POLD3: variants seen among roughly 807,000 people sequenced by gnomAD.
POLD3 encodes DNA polymerase delta subunit 3.
A neutral mutation model predicts 58.2 loss-of-function variants in POLD3; 19 were observed. That is an observed-to-expected ratio of 0.33 (90% CI 0.23 to 0.48). The LOEUF (loss-of-function observed/expected upper bound fraction) is 0.48, where lower values mean the gene tolerates loss of function less well. Ranked by LOEUF, POLD3 falls within the 20% of genes least tolerant of loss-of-function variation. The pLI, the probability that POLD3 is intolerant of heterozygous loss-of-function variation, is 0.99. For missense variants in POLD3, 504 were observed against 545.5 expected (o/e 0.92, Z 0.76); for synonymous variants, 172 against 193.5 (o/e 0.89, Z 0.92).
At chr11:74,652,530 ACT>A (rs967461607) in intron 4 of POLD3, 1 of 152,244 alleles carries the variant, frequency 6.6e-6, no homozygotes, top group African/African-American at 2.4e-5. Flanking sequence ...GAGATGGGAA[ACT>A]CAACCAGGCT....
chr11:74,629,121 A>G, intron 8 of POLD3, 96 bp from the exon 9 acceptor site: 1 of 706,066 alleles, frequency 1.4e-6, no homozygotes. Context: ...CTCTGGAATT[A>G]AGACCACGAG....
At chr11:74,612,194 G>T (rs560713400) in intron 4 of POLD3, among the ~76,000 whole-genome samples, 1 of 152,198 alleles carries the variant, frequency 6.6e-6, no homozygotes, top group Non-Finnish European at 1.5e-5. Flanking sequence ...GGGGTAGGGT[G>T]GGGGTATTTT....
In POLD3 at chr11:74,641,704, G is replaced by C. The variant is rs190961695; in HGVS notation, c.*938G>C. On this transcript the variant is annotated 3_prime_UTR_variant, in exon 12 of 12. Transcript: ENST00000263681. ...ACATTTACAAAAAATTTCTCCTTAA[G>C]AAAACAGAATATTCAAAAACAGCAC... The C allele has an allele frequency of 1.0e-6, 1 of 985,238 alleles. No homozygotes were observed. The highest frequency in any genetic ancestry group is 1.1e-4 in the East Asian group (1 of 8,812). The allele number at this position is 985,238 out of a possible 1,614,324, so 61.0% of individuals were successfully genotyped here.
chr11:74,645,669 A>G (rs1056076541), downstream of POLD3, among the ~76,000 whole-genome samples: 1 of 152,222 alleles, frequency 6.6e-6, no homozygotes, highest in Non-Finnish European at 1.5e-5. Context: ...GGCAGTCCCC[A>G]GTATTTTGAC....
At chr11:74,649,615 T>C (rs1344802794) in intron 4 of POLD3, among the ~76,000 whole-genome samples, 3 of 152,216 alleles carry the variant, frequency 2.0e-5, no homozygotes, top group African/African-American at 7.2e-5. Flanking sequence ...AGCTCCTGCA[T>C]GAAACCCCCC....
At chr11:74,654,796 G>A (rs919891983) in intron 4 of POLD3, among the ~76,000 whole-genome samples, 12 of 151,992 alleles carry the variant, frequency 7.9e-5, no homozygotes, top group African/African-American at 1.9e-4. Flanking sequence ...CTGCATGCCC[G>A]GGGTATTGAA....
At chr11:74,593,396 C>T (rs1184918747) in intron 1 of POLD3, among the ~76,000 whole-genome samples, 3 of 152,206 alleles carry the variant, frequency 2.0e-5, no homozygotes, top group African/African-American at 7.2e-5. Context: ...GTTTTTCAAC[C>T]TAGGTCTGTC....
At chr11:74,620,358 T>C (rs570775124) in intron 7 of POLD3, among the ~76,000 whole-genome samples, 1 of 152,156 alleles carries the variant, frequency 6.6e-6, no homozygotes, top group Non-Finnish European at 1.5e-5. Flanking sequence ...AACTATTTGC[T>C]TCATAGGGCC....
chr11:74,644,482 A>C (rs966497132), downstream of POLD3, among the ~76,000 whole-genome samples: 1 of 152,222 alleles, frequency 6.6e-6, no homozygotes, highest in Non-Finnish European at 1.5e-5. Context: ...CATTGTACCC[A>C]AATGACTGCA....
chr11:74,613,467 G>A (rs1189757715), intron 5 of POLD3, among the ~76,000 whole-genome samples: 1 of 152,068 alleles, frequency 6.6e-6, no homozygotes, highest in Non-Finnish European at 1.5e-5. Flanking sequence ...AACAGCACAA[G>A]GAGGTAACGG....
chr11:74,615,045 G>A (rs1429447651), intron 5 of POLD3, among the ~76,000 whole-genome samples: 1 of 152,204 alleles, frequency 6.6e-6, no homozygotes, highest in Non-Finnish European at 1.5e-5. Context: ...GGCCATAGCA[G>A]TAGATAGAGT....
downstream of POLD3, among the ~76,000 whole-genome samples, chr11:74,646,118 G>A (rs1251730843): frequency 2.0e-5 from 3 of 151,920 alleles, no homozygotes; most frequent in Non-Finnish European, 4.4e-5. Flanking sequence ...GACTACAGGC[G>A]CATGCCACCA....
chr11:74,647,092 G>A (rs1270511619), downstream of POLD3, among the ~76,000 whole-genome samples: 1 of 152,236 alleles, frequency 6.6e-6, no homozygotes, highest in African/African-American at 2.4e-5. Context: ...GCTCCTGTGA[G>A]CATCTAATGC....
At chr11:74,596,533 A>C (rs1306730581) in intron 2 of POLD3, among the ~76,000 whole-genome samples, 2 of 152,230 alleles carry the variant, frequency 1.3e-5, no homozygotes, top group African/African-American at 4.8e-5. Context: ...TATTGTGTAC[A>C]ACATTATGTT....
chr11:74,617,965 C>T (rs566549426), intron 5 of POLD3, among the ~76,000 whole-genome samples: 4 of 152,196 alleles, frequency 2.6e-5, no homozygotes, highest in African/African-American at 7.2e-5. Context: ...GCGATCCGCC[C>T]GCCTCAGGTT....
At chr11:74,597,199 T>A (rs1420087006) in intron 2 of POLD3, among the ~76,000 whole-genome samples, 4 of 152,240 alleles carry the variant, frequency 2.6e-5, no homozygotes, top group African/African-American at 7.2e-5. Flanking sequence ...TGTATTAATT[T>A]ACATTCCCAC....
At chr11:74,609,427 A>G (rs2031830084) in intron 3 of POLD3, among the ~76,000 whole-genome samples, 1 of 123,150 alleles carries the variant, frequency 8.1e-6, no homozygotes, top group Admixed American at 1.0e-4. Context: ...TTGGCCAAGC[A>G]TTGGAGTGCA....
intron 2 of POLD3, among the ~76,000 whole-genome samples, chr11:74,597,891 A>G (rs1015510961): frequency 6.6e-6 from 1 of 152,178 alleles, no homozygotes; most frequent in African/African-American, 2.4e-5. Context: ...CCTGGGCAAC[A>G]TAGTGAGACC....
chr11:74,624,899 T>C (rs1188792169), intron 7 of POLD3, among the ~76,000 whole-genome samples: 1 of 152,190 alleles, frequency 6.6e-6, no homozygotes, highest in East Asian at 1.9e-4. Context: ...TAAAATAACT[T>C]GCCCAGAGTG....
Sources: gnomAD v4.1 joint callset for allele counts (sites outside exome capture counted in the v4.1 genomes callset) on GRCh38, gnomAD v4.1.1 for gene constraint, MANE v1.5 for transcripts, NCBI Gene and HGNC (gene_info 2026-07-23, HGNC 2026-07-21) for gene names.